TMEM132C: variants seen among roughly 807,000 people sequenced by gnomAD.
TMEM132C encodes the protein protein phosphatase 1, regulatory subunit 152.
In TMEM132C, 29 loss-of-function variants were observed where a neutral mutation model predicts 61.4. That is an observed-to-expected ratio of 0.47 (90% confidence interval 0.35 to 0.64). The LOEUF (loss-of-function observed/expected upper bound fraction) is 0.64. Among genes scored for constraint, TMEM132C ranks in the 30% least tolerant of loss-of-function variants. The pLI is 0.00. For missense variants in TMEM132C, 1,408 were observed against 1,476.9 expected, an observed-to-expected ratio of 0.95 and a Z score of 0.76; for synonymous variants, 656 against 633.1, an observed-to-expected ratio of 1.04 and a Z score of -0.54.
At chr12:128,488,350 A>G (rs1358156221) in intron 2 of TMEM132C, among the ~76,000 whole-genome samples, 1 of 152,232 alleles carries the variant, frequency 6.6e-6, no homozygotes, top group Non-Finnish European at 1.5e-5. Context: ...TGCATATAAT[A>G]TTTAGTATTT....
Position 128,527,845 on chromosome 12 carries a change from G to C in TMEM132C, c.975-16112G>C, listed in dbSNP as rs905725582. Among the ~76,000 whole-genome samples, 9 of 151,966 alleles carry C rather than the reference G, an allele frequency of 5.9e-5. No homozygotes were observed. The East Asian group carries it at 1.7e-3, about 29-fold the overall frequency. ...TCTAACTCTGTAGTCAGAGTGCAGGGATCAACCACTCACTCTTTCCTAACT... is the reference window on the plus strand; with the variant it reads ...TCTAACTCTGTAGTCAGAGTGCAGGCATCAACCACTCACTCTTTCCTAACT... On this transcript the variant is annotated intron_variant, in intron 2 of 8. Coordinates refer to ENST00000435159, the MANE Select transcript of TMEM132C (RefSeq NM_001136103.3).
intron 2 of TMEM132C, among the ~76,000 whole-genome samples, chr12:128,484,039 C>G (rs1014333967): frequency 2.0e-5 from 3 of 152,228 alleles, no homozygotes; most frequent in African/African-American, 7.2e-5. Flanking sequence ...TTCAGAATCC[C>G]CCTGCAGTAG....
At chr12:128,285,399 A>G (rs1044091083) in intron 1 of TMEM132C, among the ~76,000 whole-genome samples, 1 of 152,200 alleles carries the variant, frequency 6.6e-6, no homozygotes, top group Non-Finnish European at 1.5e-5. Flanking sequence ...AAAAAAAGAC[A>G]TTTTAGTAAA....
At chr12:128,653,080 A>T (rs1378372912) in intron 4 of TMEM132C, among the ~76,000 whole-genome samples, 1 of 152,222 alleles carries the variant, frequency 6.6e-6, no homozygotes. Flanking sequence ...CATATAATAG[A>T]ATATTATCAG....
chr12:128,393,515 G>A (rs533378132), intron 1 of TMEM132C, among the ~76,000 whole-genome samples: 2 of 152,324 alleles, frequency 1.3e-5, no homozygotes, highest in South Asian at 4.1e-4. Context: ...GTGTTTGGCA[G>A]GAGGTTATAT....
At chr12:128,359,460 G>A (rs140746482) in intron 1 of TMEM132C, among the ~76,000 whole-genome samples, 40 of 152,162 alleles carry the variant, frequency 2.6e-4, no homozygotes, top group African/African-American at 9.6e-4. Context: ...TGCCATGTGG[G>A]GATTATTACC....
At chr12:128,348,150 A>G (rs1486412067) in intron 1 of TMEM132C, among the ~76,000 whole-genome samples, 1 of 152,176 alleles carries the variant, frequency 6.6e-6, no homozygotes, top group Non-Finnish European at 1.5e-5. Flanking sequence ...CAAGTCTTGC[A>G]CTTCCTTTGT....
chr12:128,417,954 G>A (rs531356452), intron 2 of TMEM132C, among the ~76,000 whole-genome samples: 112 of 152,252 alleles, frequency 7.4e-4, no homozygotes, highest in African/African-American at 2.5e-3. Context: ...GCGTGGCTCT[G>A]GGGTGTAAGA....
chr12:128,283,887 CT>C (rs1359566692), intron 1 of TMEM132C, among the ~76,000 whole-genome samples: 1 of 152,150 alleles, frequency 6.6e-6, no homozygotes, highest in Non-Finnish European at 1.5e-5. Context: ...TGAGTCTCCA[CT>C]GTCTGCCTTG....
intron 2 of TMEM132C, among the ~76,000 whole-genome samples, chr12:128,463,805 C>T (rs1870624840): frequency 1.3e-5 from 2 of 152,122 alleles, no homozygotes; most frequent in African/African-American, 4.8e-5. Context: ...CTCCCTCCCT[C>T]CTTATCTGTG....
chr12:128,573,088 C>G (rs1180110102), intron 3 of TMEM132C, among the ~76,000 whole-genome samples: 1 of 152,160 alleles, frequency 6.6e-6, no homozygotes, highest in African/African-American at 2.4e-5. Context: ...TTGACCCAGC[C>G]ATCCCATTAC....
At chr12:128,357,708 A>T (rs1490288847) in intron 1 of TMEM132C, among the ~76,000 whole-genome samples, 1 of 151,140 alleles carries the variant, frequency 6.6e-6, no homozygotes, top group Non-Finnish European at 1.5e-5. Context: ...AAAAAAAAAA[A>T]AAGAAAAAGA....
At chr12:128,404,517 A>C (rs1231106313) in intron 1 of TMEM132C, 1 of 152,284 alleles carries the variant, frequency 6.6e-6, no homozygotes, top group Non-Finnish European at 1.5e-5. Context: ...ATCTCTGGTC[A>C]ACATGTCTGA....
rs567205146 is a variant in TMEM132C, at chr12:128,584,751, C to T, written c.1122-31401C>T. 4.2e-4 allele frequency among the ~76,000 whole-genome samples: 64 copies of T among 152,254 alleles called. 1 individual carries two copies. The South Asian group carries it at 0.013, about 31-fold the overall frequency. On this transcript the variant is annotated intron_variant, in intron 3 of 8. Coordinates refer to ENST00000435159, the MANE Select transcript of TMEM132C (RefSeq NM_001136103.3). Reference sequence around the variant, plus strand: ...CACATGGCCCCATCTGTGCAGCTGGCGAATGGGTGTCAGCTATTGTCAGCT... The same window carrying T: ...CACATGGCCCCATCTGTGCAGCTGGTGAATGGGTGTCAGCTATTGTCAGCT...
chr12:128,394,931 A>C (rs1874892626), intron 1 of TMEM132C, among the ~76,000 whole-genome samples: 1 of 144,434 alleles, frequency 6.9e-6, no homozygotes, highest in Admixed American at 7.0e-5. Flanking sequence ...AATCTAGTAA[A>C]GCTAAAACAC....
rs149926083 is a variant in TMEM132C, at chr12:128,402,201, C to A, written c.86-12531C>A. ...CCTGAAGCCTCCAGAAGGATCACAA[C>A]CCTACTGACACTTCAGGGTTTTTTT... On this transcript the variant is annotated intron_variant, in intron 1 of 8. Transcript: ENST00000435159. 1.1e-3 allele frequency among the ~76,000 whole-genome samples: 166 copies of A among 152,310 alleles called. 2 individuals carry two copies. The East Asian group carries it at 0.026, about 24-fold the overall frequency.
At chr12:128,358,808 A>G (rs1053778996) in intron 1 of TMEM132C, among the ~76,000 whole-genome samples, 4 of 152,188 alleles carry the variant, frequency 2.6e-5, no homozygotes, top group Non-Finnish European at 4.4e-5. Flanking sequence ...TTGCGCACAC[A>G]GGCTTCCAAG....
chr12:128,697,292 G>T lies in TMEM132C; in HGVS notation c.1998G>T (p.Ser666=). ...KTITVLDDKV[S]VTDLAIQLVA... is the part of the protein sequence containing the mutation. The stretch of plus-strand genomic sequence containing the variant: ...TAACCGTGCTAGATGACAAAGTATC[G>T]GTGACAGACTTGGCCATCCAGCTCG... The change falls in exon 8 of 9, where the codon TCG becomes TCT. Residue 666 remains serine, a synonymous_variant. Transcript: ENST00000435159. The T allele has an allele frequency of 1.3e-6, 2 of 1,550,360 alleles. No individual in the cohort carries two copies. The highest frequency in any genetic ancestry group is 8.7e-7 in the Non-Finnish European group (1 of 1,145,942).
intron 3 of TMEM132C, among the ~76,000 whole-genome samples, chr12:128,566,211 T>G (rs1874699006): frequency 8.4e-6 from 1 of 119,020 alleles, no homozygotes; most frequent in African/African-American, 4.7e-5. Context: ...AAAAAAAGTT[T>G]TAATCAATAG....
Sources: allele counts gnomAD v4.1 joint callset (sites outside exome capture counted in the v4.1 genomes callset), GRCh38; gene constraint gnomAD v4.1.1; transcripts MANE v1.5; gene names NCBI Gene and HGNC (gene_info 2026-07-23, HGNC 2026-07-21).